The following FDXACB1 variants were observed in gnomAD, a reference collection of about 807,000 sequenced individuals.
FDXACB1 encodes the protein ferredoxin-fold anticodon binding domain containing 1, also known as ferredoxin-fold anticodon-binding domain-containing protein 1.
Under a neutral mutation model 51.7 loss-of-function variants are expected in FDXACB1, and 41 were observed. The ratio of observed to expected loss-of-function variants is 0.79; its 90% CI spans 0.62 to 1.03. The LOEUF is 1.03. Ranked by LOEUF, FDXACB1 falls within the 50% of genes least tolerant of loss-of-function variation. The pLI, the probability that FDXACB1 is intolerant of heterozygous loss-of-function variation, is 0.00. For missense variants in FDXACB1, 697 were observed against 746.4 expected (o/e 0.93, Z 0.77); for synonymous variants, 273 against 278.6 (o/e 0.98, Z 0.20).
chr11:111,879,124 AG>A lies in FDXACB1; in HGVS notation c.8del (p.Pro3LeufsTer18). The A allele has an allele frequency of 6.2e-7, 1 of 1,610,114 alleles. No individual in the cohort carries two copies. Among genetic ancestry groups the A allele is most frequent in the Non-Finnish European group, 8.5e-7 (1 of 1,178,308 alleles). Reference sequence around the variant, plus strand: ...CCTCCCCAACCAACAGGAGGCGCCGAGGGGCCATGGCCTCCACGGACTCCCG... The same window carrying A: ...CCTCCCCAACCAACAGGAGGCGCCGAGGGCCATGGCCTCCACGGACTCCCG... MA[P>X]RRLLLVGEGN... On this transcript the variant is annotated frameshift_variant, in exon 1 of 5. Coordinates refer to ENST00000260257, the MANE Select transcript of FDXACB1 (RefSeq NM_138378.3). LOFTEE classifies it high-confidence loss of function.
chr11:111,878,252 G>C (rs1555162499), intron 2 of FDXACB1, among the ~76,000 whole-genome samples: 1 of 152,146 alleles, frequency 6.6e-6, no homozygotes, highest in East Asian at 1.9e-4. Flanking sequence ...GCTGGGATTT[G>C]AATCCAGGCA....
At chr11:111,878,199 A>G (rs1299855775) in intron 2 of FDXACB1, among the ~76,000 whole-genome samples, 1 of 152,108 alleles carries the variant, frequency 6.6e-6, no homozygotes, top group African/African-American at 2.4e-5. Flanking sequence ...CTCAAAAAAT[A>G]AAAATAAATA....
At position 111,875,974 on chromosome 11, in the gene FDXACB1, T is replaced by C. The variant is rs1566367918; in HGVS notation, c.823A>G (p.Ser275Gly). The change falls in exon 5 of 5, where the codon AGT (serine) becomes GGT (glycine). Residue 275 changes from serine (S) to glycine (G), a missense_variant. This residue lies in a region of FDXACB1 where 538 missense variants were observed against 592.2 expected (regional missense o/e 0.91). Transcript: ENST00000260257. ...TCACAATTCCAGAAAGGAAGAACAC[T>C]GGTACCTTCCTGTGGCAGCAAAGGG... ...SYPLLPQEGT[S>G]VLPFWNCDFL... 3 of 1,613,978 alleles carry C rather than the reference T, an allele frequency of 1.9e-6. No individual in the cohort carries two copies. Among genetic ancestry groups the C allele is most frequent in the Admixed American group, 1.7e-5 (1 of 60,030 alleles).
intron 4 of FDXACB1, 90 bp downstream of exon 4, chr11:111,876,391 T>C: frequency 7.0e-7 from 1 of 1,435,000 alleles, no homozygotes; most frequent in Non-Finnish European, 9.5e-7. Flanking sequence ...ACTAACAATT[T>C]ATGCACCATC....
At position 111,874,729 on chromosome 11, in the gene FDXACB1, C is replaced by T. The variant is rs978492881; in HGVS notation, c.*193G>A. Reference sequence around the variant, plus strand: ...GATATCATGCCACTGCCACTGCACTCCCGCCTGGGCGGCAGAGCAAGACTC... The same window carrying T: ...GATATCATGCCACTGCCACTGCACTTCCGCCTGGGCGGCAGAGCAAGACTC... On this transcript the variant is annotated 3_prime_UTR_variant, in exon 5 of 5. Transcript: ENST00000260257. The T allele has an allele frequency of 2.1e-5, 12 of 584,416 alleles. No homozygotes were observed. Among genetic ancestry groups the T allele is most frequent in the Admixed American group, 1.6e-4 (5 of 32,096 alleles). 36.2% of individuals were successfully genotyped at this position (584,416 alleles called of 1,614,324 possible).
At chr11:111,876,724 C>A in intron 3 of FDXACB1, 84 bp downstream of exon 3, 2 of 1,585,892 alleles carry the variant, frequency 1.3e-6, no homozygotes, top group South Asian at 1.1e-5. Flanking sequence ...ATTGGCAGGG[C>A]CTATTGAGTC....
At chr11:111,878,229 T>C (rs1173886857) in intron 2 of FDXACB1, among the ~76,000 whole-genome samples, 3 of 152,146 alleles carry the variant, frequency 2.0e-5, no homozygotes, top group Admixed American at 6.5e-5. Flanking sequence ...AAATAACAAC[T>C]GTTAAGTGGT....
At chr11:111,877,291 C>T (rs1052223527) in intron 2 of FDXACB1, among the ~76,000 whole-genome samples, 3 of 152,198 alleles carry the variant, frequency 2.0e-5, no homozygotes, top group African/African-American at 7.2e-5. Context: ...AATATCTGCA[C>T]AGTTCCTATA....
Position 111,876,375 on chromosome 11 carries a change from A to G in FDXACB1, c.692+106T>C, listed in dbSNP as rs1308495880. ...CAGGCTGACAAATAAACATAGCACC[A>G]ACATCACTAACAATTTATGCACCAT... is the stretch of plus-strand genomic sequence containing the variant. On this transcript the variant is annotated intron_variant, in intron 4 of 4. Coordinates refer to ENST00000260257, the MANE Select transcript of FDXACB1 (RefSeq NM_138378.3). The G allele has an allele frequency of 2.3e-6, 3 of 1,326,072 alleles. No homozygotes were observed. In the Admixed American group the frequency reaches 6.5e-5, roughly 29 times the overall value. The allele number at this position is 1,326,072 out of a possible 1,614,324, so 82.1% of individuals were successfully genotyped here.
intron 2 of FDXACB1, among the ~76,000 whole-genome samples, chr11:111,877,792 C>T (rs987989885): frequency 1.3e-5 from 2 of 151,838 alleles, no homozygotes; most frequent in Non-Finnish European, 2.9e-5. Flanking sequence ...GCTGGGATTA[C>T]AGGCATGAGC....
At position 111,876,430 on chromosome 11, in the gene FDXACB1, A is replaced by G; in HGVS notation, c.692+51T>C. The G allele has an allele frequency of 3.2e-6, 5 of 1,580,776 alleles. No homozygotes were observed. In the South Asian group the frequency reaches 5.7e-5, roughly 18 times the overall value. On this transcript the variant is annotated intron_variant, in intron 4 of 4. Transcript: ENST00000260257. ...TCAATATATGGTTGCCATCAAGACA[A>G]TCAGGATACAACTGGAGATGGAAGT...
In FDXACB1 at chr11:111,875,245, A is replaced by C; in HGVS notation, c.1552T>G (p.Phe518Val). Residue 518 changes from phenylalanine to valine, a missense_variant, in exon 5 of 5, where the codon TTT becomes GTT. Phe to Val is a conservative substitution (Grantham distance 50). This residue lies in a region of FDXACB1 where 538 missense variants were observed against 592.2 expected (regional missense o/e 0.91). Coordinates refer to ENST00000260257, the MANE Select transcript of FDXACB1 (RefSeq NM_138378.3). ...WTFDNRFLKN[F>V]VPGKIEPFKS... Reference sequence around the variant, plus strand: ...AAGGGTTCTATTTTGCCAGGGACAAAATTTTTCAGGAAACGGTTATCAAAC... The same window carrying C: ...AAGGGTTCTATTTTGCCAGGGACAACATTTTTCAGGAAACGGTTATCAAAC... 1 of 1,613,870 alleles carries C rather than the reference A, an allele frequency of 6.2e-7. No individual in the cohort carries two copies. The highest frequency in any genetic ancestry group is 8.5e-7 in the Non-Finnish European group (1 of 1,179,870).
chr11:111,876,235 G>A, intron 4 of FDXACB1, 131 bp from the exon 5 acceptor site: 1 of 958,938 alleles, frequency 1.0e-6, no homozygotes, highest in Non-Finnish European at 1.5e-6. Flanking sequence ...AGGAAACAAA[G>A]AAATCATCTA....
Position 111,876,797 on chromosome 11 carries a change from C to CT in FDXACB1, c.533+10dup. ...AAAACGCAGAAGGCTTAAACCTATG[C>CT]TATTACCTACCTATATCCAGTGCAC... On this transcript the variant is annotated intron_variant, in intron 3 of 4. Transcript: ENST00000260257. 6.2e-7 allele frequency: 1 copy of CT among 1,613,390 alleles called. No individual in the cohort carries two copies. Among genetic ancestry groups the CT allele is most frequent in the Non-Finnish European group, 8.5e-7 (1 of 1,179,588 alleles).
At position 111,874,888 on chromosome 11, in the gene FDXACB1, TGAAG is replaced by T; in HGVS notation, c.*30_*33del. On this transcript the variant is annotated 3_prime_UTR_variant, in exon 5 of 5. Coordinates refer to ENST00000260257, the MANE Select transcript of FDXACB1 (RefSeq NM_138378.3). The stretch of plus-strand genomic sequence containing the variant: ...TAATTTTCCTCCACATCCCCCGCAA[TGAAG>T]GATCACACTGCAGAAAAGGATTTAC... 6.3e-7 allele frequency: 1 copy of T among 1,580,736 alleles called. No individual in the cohort carries two copies. Among genetic ancestry groups the T allele is most frequent in the African/African-American group, 1.3e-5 (1 of 74,264 alleles).
Position 111,876,543 on chromosome 11 carries a change from G to A in FDXACB1, c.630C>T (p.Ile210=), listed in dbSNP as rs1964819517. ...AGGAAAACCACTGGTTACCCAGTTT[G>A]ATCCTGAAGATTCTGGGTTGAGAAC... ...FEGSQPRIFR[I]KLGNQWFSFP... The change falls in exon 4 of 5, where the codon ATC becomes ATT. Residue 210 remains isoleucine, a synonymous_variant. Coordinates refer to ENST00000260257, the MANE Select transcript of FDXACB1 (RefSeq NM_138378.3). The A allele has an allele frequency of 1.2e-6, 2 of 1,613,898 alleles. No individual in the cohort carries two copies. Among genetic ancestry groups the A allele is most frequent in the Non-Finnish European group, 1.7e-6 (2 of 1,179,892 alleles).
In FDXACB1 at chr11:111,875,639, T is replaced by C. The variant is rs374999467; in HGVS notation, c.1158A>G (p.Thr386=). 180 of 1,613,232 alleles carry C rather than the reference T, an allele frequency of 1.1e-4. 2 individuals carry two copies. The African/African-American group carries it at 1.9e-3, about 17-fold the overall frequency. Residue 386 remains threonine (T), a synonymous_variant, in exon 5 of 5, where the codon ACA becomes ACG. Transcript: ENST00000260257. ...ATAAAGTTTCATGAAATGCTGGCAT[T>C]GTGAAAGGCAAAATGTGGCACTTCT... is the stretch of plus-strand genomic sequence containing the variant. The part of the protein sequence containing the change: ...VFQKCHILPF[T]MPAFHETLFI...
Position 111,875,208 on chromosome 11 carries a change from G to A in FDXACB1, c.1589C>T (p.Ser530Phe), listed in dbSNP as rs1406606068. 1 of 1,613,836 alleles carries A rather than the reference G, an allele frequency of 6.2e-7. No homozygotes were observed. Among genetic ancestry groups the A allele is most frequent in the African/African-American group, 1.3e-5 (1 of 75,024 alleles). ...ATGCACATAACATGGAGGATACAGAGAATGACTTTTAAAGGGTTCTATTTT... is the reference window on the plus strand; with the variant it reads ...ATGCACATAACATGGAGGATACAGAAAATGACTTTTAAAGGGTTCTATTTT... ...PGKIEPFKSH[S>F]LYPPCYVHDV... Residue 530 changes from serine to phenylalanine, a missense_variant, in exon 5 of 5, where the codon TCT (serine) becomes TTT (phenylalanine). Transcript: ENST00000260257.
At position 111,875,743 on chromosome 11, in the gene FDXACB1, G is replaced by A. The variant is rs782651405; in HGVS notation, c.1054C>T (p.Leu352=). 6.2e-7 allele frequency: 1 copy of A among 1,613,592 alleles called. No individual in the cohort carries two copies. The highest frequency in any genetic ancestry group is 1.7e-5 in the Admixed American group (1 of 59,980). ...TCGATGACATCCTGAACATGCACTA[G>A]GAGAGAAGGTCTAAGGCAGATCTTG... The part of the protein sequence containing the change: ...QAKICLRPSL[L]VHVQDVIEVP... The change falls in exon 5 of 5, where the codon CTA becomes TTA. Residue 352 remains leucine, a synonymous_variant. Coordinates refer to ENST00000260257, the MANE Select transcript of FDXACB1 (RefSeq NM_138378.3).
Sources: allele counts gnomAD v4.1 joint callset (sites outside exome capture counted in the v4.1 genomes callset), GRCh38; gene constraint gnomAD v4.1.1; regional missense constraint gnomAD v4.1.1; transcripts MANE v1.5; gene names NCBI Gene and HGNC (gene_info 2026-07-23, HGNC 2026-07-21).